Variants in STXBP5 observed in about 807,000 individuals in gnomAD.
The protein encoded by STXBP5 is syntaxin binding protein 5.
Under a neutral mutation model 152.4 loss-of-function variants are expected in STXBP5, and 50 were observed. That is an observed-to-expected ratio of 0.33 (90% CI 0.26 to 0.42). The LOEUF is 0.42. Among genes scored for constraint, STXBP5 ranks in the 10% least tolerant of loss-of-function variants. The pLI is 1.00. For missense variants in STXBP5, 1,167 were observed against 1,388.6 expected (o/e 0.84, Z 2.54); for synonymous variants, 492 against 494.7 (o/e 0.99, Z 0.07).
intron 24 of STXBP5, 25 bp downstream of exon 24, chr6:147,363,729 C>T: frequency 6.3e-7 from 1 of 1,575,664 alleles, no homozygotes; most frequent in East Asian, 2.2e-5. Flanking sequence ...TGTTTTAAAA[C>T]ACAGATATAG....
intron 22 of STXBP5, among the ~76,000 whole-genome samples, chr6:147,356,933 T>C (rs1008625582): frequency 1.4e-4 from 21 of 152,164 alleles, no homozygotes; most frequent in African/African-American, 5.1e-4. Flanking sequence ...TAATAAATCC[T>C]AATGGAACAG....
At chr6:147,303,887 A>G (rs1781954568) in intron 9 of STXBP5, among the ~76,000 whole-genome samples, 3 of 152,158 alleles carry the variant, frequency 2.0e-5, no homozygotes, top group African/African-American at 7.2e-5. Context: ...CCCCTGTCCT[A>G]GAGATCTGTG....
chr6:147,283,500 A>G (rs567187211), intron 8 of STXBP5, among the ~76,000 whole-genome samples: 1 of 152,316 alleles, frequency 6.6e-6, no homozygotes, highest in South Asian at 2.1e-4. Context: ...GAGGAGAAAG[A>G]GAATGCAGGC....
At chr6:147,281,720 A>G (rs1158145199) in intron 8 of STXBP5, among the ~76,000 whole-genome samples, 2 of 152,222 alleles carry the variant, frequency 1.3e-5, no homozygotes, top group African/African-American at 4.8e-5. Context: ...GTCTCCTACC[A>G]GTACTTTACG....
At chr6:147,348,961 T>C (rs886131884) in intron 21 of STXBP5, among the ~76,000 whole-genome samples, 3 of 152,166 alleles carry the variant, frequency 2.0e-5, no homozygotes, top group African/African-American at 7.2e-5. Flanking sequence ...GCAAAAATGT[T>C]GCTTCTGACT....
intron 2 of STXBP5, among the ~76,000 whole-genome samples, chr6:147,227,424 C>T (rs1017550981): frequency 6.6e-6 from 1 of 152,260 alleles, no homozygotes; most frequent in Middle Eastern, 3.4e-3. Context: ...ATGTTGCTAA[C>T]TCTAAATAAA....
At chr6:147,255,279 G>T (rs1340636430) in intron 4 of STXBP5, among the ~76,000 whole-genome samples, 4 of 152,016 alleles carry the variant, frequency 2.6e-5, no homozygotes, top group African/African-American at 7.2e-5. Context: ...GAACACAGAA[G>T]TGAACATGAT....
At chr6:147,263,880 A>C (rs978701237) in intron 6 of STXBP5, among the ~76,000 whole-genome samples, 15 of 152,028 alleles carry the variant, frequency 9.9e-5, no homozygotes, top group Admixed American at 5.2e-4. Flanking sequence ...TTTATCACAT[A>C]ATGCTTTGTA....
chr6:147,211,283 T>C (rs1460487137), intron 2 of STXBP5, among the ~76,000 whole-genome samples: 2 of 139,258 alleles, frequency 1.4e-5, no homozygotes, highest in African/African-American at 5.4e-5. Flanking sequence ...CATTCCAGCC[T>C]GGGCAACAGA....
rs902077402 is a variant in STXBP5, at chr6:147,233,073, A to G, written c.249-2177A>G. ...CTGTATTCCCAATCTGTTTATGTCT[A>G]TTGTATTAGATATTCTTATCAGGTA... is the stretch of plus-strand genomic sequence containing the variant. On this transcript the variant is annotated intron_variant, in intron 2 of 27. Coordinates refer to ENST00000321680, the MANE Select transcript of STXBP5 (RefSeq NM_001127715.4). 5.3e-5 allele frequency among the ~76,000 whole-genome samples: 8 copies of G among 151,922 alleles called. No homozygotes were observed. The East Asian group carries it at 5.8e-4, about 11-fold the overall frequency.
intron 9 of STXBP5, among the ~76,000 whole-genome samples, chr6:147,309,131 A>G (rs1003946823): frequency 2.6e-5 from 4 of 152,164 alleles, no homozygotes; most frequent in Admixed American, 1.3e-4. Flanking sequence ...ATTAGATATT[A>G]TTACGTATGG....
chr6:147,339,459 G>T, intron 21 of STXBP5, 75 bp downstream of exon 21: 1 of 1,116,446 alleles, frequency 9.0e-7, no homozygotes, highest in Non-Finnish European at 1.2e-6. Flanking sequence ...GAATTATCCA[G>T]TGCATTGCAT....
rs1368282262 is a variant in STXBP5, at chr6:147,364,085, C to A, written c.3000C>A (p.Asn1000Lys). Reference sequence around the variant, plus strand: ...TAGCCAGAACGTTCTGCTTTACCAACAATGGACAAGCATTATACCTTGTTT... The same window carrying A: ...TAGCCAGAACGTTCTGCTTTACCAAAAATGGACAAGCATTATACCTTGTTT... ...MRIARTFCFT[N>K]NGQALYLVSP... Residue 1000 changes from asparagine (N) to lysine (K), a missense_variant, in exon 25 of 28, where the codon AAC becomes AAA. Asn to Lys is a moderately conservative substitution (Grantham distance 94). Transcript: ENST00000321680. 2 of 1,613,856 alleles carry A rather than the reference C, an allele frequency of 1.2e-6. No homozygotes were observed. The highest frequency in any genetic ancestry group is 1.7e-5 in the Admixed American group (1 of 60,018).
At chr6:147,348,513 G>T (rs1184047898) in intron 21 of STXBP5, among the ~76,000 whole-genome samples, 1 of 152,036 alleles carries the variant, frequency 6.6e-6, no homozygotes, top group Non-Finnish European at 1.5e-5. Context: ...AGTTTTGAGG[G>T]GATATAGTTG....
At chr6:147,310,305 A>G in intron 10 of STXBP5, 67 bp downstream of exon 10, 1 of 1,207,402 alleles carries the variant, frequency 8.3e-7, no homozygotes, top group African/African-American at 1.6e-5. Flanking sequence ...AAAAAGACCT[A>G]GGTTGTTTAG....
chr6:147,384,656 A>T, intron 27 of STXBP5, 58 bp from the exon 28 acceptor site: 1 of 1,530,730 alleles, frequency 6.5e-7, no homozygotes, highest in African/African-American at 1.4e-5. Flanking sequence ...GAAATCACTT[A>T]TAAATGTTAT....
chr6:147,371,021 A>C (rs1785515782), intron 25 of STXBP5, among the ~76,000 whole-genome samples: 1 of 152,066 alleles, frequency 6.6e-6, no homozygotes. Flanking sequence ...GCTTACATGC[A>C]AGACAAATGA....
intron 9 of STXBP5, among the ~76,000 whole-genome samples, chr6:147,298,848 G>A (rs560147029): frequency 6.6e-6 from 1 of 151,936 alleles, no homozygotes; most frequent in Non-Finnish European, 1.5e-5. Flanking sequence ...AGGAAAATTT[G>A]TAGCAATAAA....
At chr6:147,217,365 A>G (rs1212349794) in intron 2 of STXBP5, among the ~76,000 whole-genome samples, 1 of 152,244 alleles carries the variant, frequency 6.6e-6, no homozygotes, top group Non-Finnish European at 1.5e-5. Context: ...ATGCTGGGAT[A>G]AAAAGCTGTT....
Sources: gnomAD v4.1 joint callset for allele counts (sites outside exome capture counted in the v4.1 genomes callset) on GRCh38, gnomAD v4.1.1 for gene constraint, MANE v1.5 for transcripts, NCBI Gene and HGNC (gene_info 2026-07-23, HGNC 2026-07-21) for gene names.